Variants in DOCK3 observed in about 807,000 individuals in gnomAD.
DOCK3 encodes dedicator of cytokinesis 3.
DOCK3 carries 60 observed loss-of-function variants against 265.6 expected under a neutral mutation model. That is an observed-to-expected ratio of 0.23 (90% CI 0.18 to 0.28). The LOEUF (loss-of-function observed/expected upper bound fraction) is 0.28, where lower values mean the gene tolerates loss of function less well. DOCK3 is among the 10% of genes least tolerant of loss of function. DOCK3 has a pLI of 1.00. For missense variants in DOCK3, 1,981 were observed against 2,594.3 expected (o/e 0.76, Z 5.14); for synonymous variants, 881 against 938.0 (o/e 0.94, Z 1.11).
chr3:50,691,284 A>C (rs1018488465), intron 1 of DOCK3, among the ~76,000 whole-genome samples: 28 of 134,312 alleles, frequency 2.1e-4, no homozygotes, highest in African/African-American at 8.0e-4. Context: ...ACTCTGTCTC[A>C]AAAAAAAAAA....
intron 5 of DOCK3, among the ~76,000 whole-genome samples, chr3:50,982,552 G>C (rs750106366): frequency 6.6e-6 from 1 of 152,164 alleles, no homozygotes; most frequent in Non-Finnish European, 1.5e-5. Flanking sequence ...CCTAGTCCTG[G>C]AGCCTCCACC....
At chr3:51,274,772 C>T (rs576745736) in intron 24 of DOCK3, among the ~76,000 whole-genome samples, 4 of 152,108 alleles carry the variant, frequency 2.6e-5, no homozygotes, top group African/African-American at 9.6e-5. Context: ...CAGAATGAGA[C>T]CCTGTTTCCA....
At chr3:51,241,935 T>C (rs1460806538) in intron 21 of DOCK3, among the ~76,000 whole-genome samples, 1 of 152,190 alleles carries the variant, frequency 6.6e-6, no homozygotes, top group Non-Finnish European at 1.5e-5. Context: ...ATTTCAGCCC[T>C]CTCAGCCCAG....
chr3:51,018,758 G>T (rs758736859), intron 5 of DOCK3, among the ~76,000 whole-genome samples: 11 of 151,402 alleles, frequency 7.3e-5, no homozygotes, highest in Non-Finnish European at 1.5e-4. Flanking sequence ...TCATGTCGGT[G>T]TTCAAAAGTT....
chr3:51,167,246 T>C (rs1576300827), intron 12 of DOCK3, among the ~76,000 whole-genome samples: 1 of 152,344 alleles, frequency 6.6e-6, no homozygotes, highest in African/African-American at 2.4e-5. Flanking sequence ...GGTACCCTTG[T>C]CAAAGACTAG....
intron 27 of DOCK3, among the ~76,000 whole-genome samples, chr3:51,307,234 A>G (rs773549690): frequency 1.3e-5 from 2 of 151,928 alleles, no homozygotes; most frequent in African/African-American, 4.8e-5. Flanking sequence ...TCCCACTTCA[A>G]CCTGCTGAGT....
chr3:51,282,208 A>C (rs539002233), intron 27 of DOCK3, among the ~76,000 whole-genome samples: 1 of 152,314 alleles, frequency 6.6e-6, no homozygotes, highest in East Asian at 1.9e-4. Flanking sequence ...AACACTTCCA[A>C]ATAAGGGAGA....
rs1188748635 is a variant in DOCK3, at chr3:51,068,268, C to T, written c.464+3672C>T. ...AATGCTACTATGCCTTGGCCGGGCG[C>T]GGTGGCTCACGCCTGTAATCCCAGC... On this transcript the variant is annotated intron_variant, in intron 6 of 52. Transcript: ENST00000266037. 5.3e-5 allele frequency among the ~76,000 whole-genome samples: 8 copies of T among 151,932 alleles called. No individual in the cohort carries two copies. In the East Asian group the frequency reaches 5.8e-4, roughly 11 times the overall value.
At chr3:50,754,959 T>C (rs1489156375) in intron 1 of DOCK3, among the ~76,000 whole-genome samples, 1 of 152,102 alleles carries the variant, frequency 6.6e-6, no homozygotes, top group Non-Finnish European at 1.5e-5. Flanking sequence ...GTGAGTTTCA[T>C]ATATAAGTAT....
chr3:50,752,523 A>AT (rs1491136579), intron 1 of DOCK3, among the ~76,000 whole-genome samples: 1 of 40,022 alleles, frequency 2.5e-5, no homozygotes, highest in East Asian at 1.5e-3. Flanking sequence ...AAAAAAAAAA[A>AT]CAAAAACAAC....
rs2085054154 is a variant in DOCK3, at chr3:51,338,914, GT to G, written c.3673-18del. On this transcript the variant is annotated intron_variant, in intron 36 of 52. Transcript: ENST00000266037. ...TGGCTTCCACAGGTAGTTGACAGGT[GT>G]TTCCTTCTCTTTATTGTAGAATTTT... The G allele has an allele frequency of 3.8e-6, 6 of 1,574,568 alleles. No homozygotes were observed. Among genetic ancestry groups the G allele is most frequent in the Non-Finnish European group, 5.2e-6 (6 of 1,157,516 alleles).
At chr3:51,169,494 C>T (rs1053646302) in intron 12 of DOCK3, among the ~76,000 whole-genome samples, 6 of 152,044 alleles carry the variant, frequency 3.9e-5, no homozygotes, top group Non-Finnish European at 7.4e-5. Flanking sequence ...AGACAGAAAA[C>T]CAAATACCAC....
At chr3:51,245,303 C>T (rs1171359531) in intron 21 of DOCK3, among the ~76,000 whole-genome samples, 1 of 151,900 alleles carries the variant, frequency 6.6e-6, no homozygotes, top group Non-Finnish European at 1.5e-5. Context: ...CGTCACTGCA[C>T]TCCAGTCTGA....
chr3:50,899,565 A>G (rs908147276), intron 4 of DOCK3, among the ~76,000 whole-genome samples: 1 of 152,102 alleles, frequency 6.6e-6, no homozygotes, highest in African/African-American at 2.4e-5. Context: ...CAGTTTCTTC[A>G]TAGTGTTGAT....
intron 9 of DOCK3, among the ~76,000 whole-genome samples, chr3:51,124,056 A>G (rs2084155466): frequency 6.6e-6 from 1 of 152,130 alleles, no homozygotes; most frequent in Non-Finnish European, 1.5e-5. Context: ...TCCTCTTGCC[A>G]TTTCTAAGCC....
intron 5 of DOCK3, among the ~76,000 whole-genome samples, chr3:51,043,241 C>G (rs529074562): frequency 6.6e-6 from 1 of 152,204 alleles, no homozygotes; most frequent in South Asian, 2.1e-4. Flanking sequence ...AACAGACACA[C>G]AGACCAATGG....
At chr3:50,714,622 A>T (rs1014128937) in intron 1 of DOCK3, among the ~76,000 whole-genome samples, 5 of 151,972 alleles carry the variant, frequency 3.3e-5, no homozygotes, top group African/African-American at 9.7e-5. Flanking sequence ...GCTAATTTTT[A>T]AATTTTTTTG....
In DOCK3 at chr3:51,288,391, CAA is replaced by C. The variant is rs35390396; in HGVS notation, c.2922+8207_2922+8208del. 5.5e-3 allele frequency among the ~76,000 whole-genome samples: 477 copies of C among 87,178 alleles called. 1 individual carries two copies. Among genetic ancestry groups the C allele is most frequent in the Middle Eastern group, 0.023 (4 of 174 alleles). 57.2% of individuals were successfully genotyped at this position (87,178 alleles called of 152,430 possible). Reference sequence around the variant, plus strand: ...TAGGTGACAAAGTGAGACTCCGTCTCAAAAAAAAAAAAAAAAAAAAATTAAGA... The same window carrying C: ...TAGGTGACAAAGTGAGACTCCGTCTCAAAAAAAAAAAAAAAAAAATTAAGA... On this transcript the variant is annotated intron_variant, in intron 27 of 52. Transcript: ENST00000266037.
At chr3:51,122,161 G>C (rs2084050523) in intron 9 of DOCK3, among the ~76,000 whole-genome samples, 3 of 152,202 alleles carry the variant, frequency 2.0e-5, no homozygotes, top group Admixed American at 2.0e-4. Flanking sequence ...GAAAAAAGCT[G>C]AGGAATAAAC....
Sources: gnomAD v4.1 joint callset for allele counts (sites outside exome capture counted in the v4.1 genomes callset) on GRCh38, gnomAD v4.1.1 for gene constraint, MANE v1.5 for transcripts, NCBI Gene and HGNC (gene_info 2026-07-23, HGNC 2026-07-21) for gene names.